NEGR1: variants seen among roughly 807,000 people sequenced by gnomAD.
NEGR1 encodes neuronal growth regulator 1.
In NEGR1, 10 loss-of-function variants were observed where a neutral mutation model predicts 40.9. The observed-to-expected ratio is 0.24, with a 90% CI of 0.15 to 0.42. The LOEUF (loss-of-function observed/expected upper bound fraction) is 0.42, where lower values mean the gene tolerates loss of function less well. Ranked by LOEUF, NEGR1 falls within the 10% of genes least tolerant of loss-of-function variation. The pLI, the probability that NEGR1 is intolerant of heterozygous loss-of-function variation, is 1.00. For missense variants in NEGR1, 352 were observed against 438.9 expected (o/e 0.80, Z 1.77); for synonymous variants, 185 against 166.8 (o/e 1.11, Z -0.84).
chr1:71,655,776 T>G (rs1651855389), intron 4 of NEGR1, among the ~76,000 whole-genome samples: 1 of 152,160 alleles, frequency 6.6e-6, no homozygotes, highest in Admixed American at 6.6e-5. Context: ...AAGTTTATTA[T>G]GCAAATGATT....
intron 2 of NEGR1, among the ~76,000 whole-genome samples, chr1:71,793,540 C>CA (rs1324719879): frequency 6.6e-6 from 1 of 151,382 alleles, no homozygotes; most frequent in Non-Finnish European, 1.5e-5. Context: ...CAAAATTTAA[C>CA]AAAAATAAAA....
rs77582895 is a variant in NEGR1, at chr1:71,737,361, T to A, written c.535+38811A>T. The stretch of plus-strand genomic sequence containing the variant: ...AGAAAACAGCCTTTTTTTTTTTTTT[T>A]CCTTGGGAGGGAATGCTAATGTTGA... On this transcript the variant is annotated intron_variant, in intron 3 of 6. Coordinates refer to ENST00000357731, the MANE Select transcript of NEGR1 (RefSeq NM_173808.3). Among the ~76,000 whole-genome samples the A allele has an allele frequency of 2.0e-5, 3 of 151,504 alleles. No homozygotes were observed. In the East Asian group the frequency reaches 5.8e-4, roughly 29 times the overall value.
At chr1:71,727,388 G>C (rs1157732831) in intron 3 of NEGR1, among the ~76,000 whole-genome samples, 1 of 152,098 alleles carries the variant, frequency 6.6e-6, no homozygotes, top group African/African-American at 2.4e-5. Context: ...AAACTGAGAA[G>C]CTGAATTGCT....
intron 2 of NEGR1, among the ~76,000 whole-genome samples, chr1:71,842,727 C>T (rs1189623895): frequency 6.6e-6 from 1 of 152,058 alleles, no homozygotes; most frequent in African/African-American, 2.4e-5. Context: ...TATCAAACAC[C>T]TTTCAAATTC....
chr1:71,881,664 T>C (rs1433583703), intron 2 of NEGR1, among the ~76,000 whole-genome samples: 2 of 152,064 alleles, frequency 1.3e-5, no homozygotes, highest in Admixed American at 1.3e-4. Flanking sequence ...ACTATGAAAA[T>C]GTACATAGGA....
At chr1:71,606,533 A>G (rs909288689) in intron 5 of NEGR1, among the ~76,000 whole-genome samples, 8 of 152,180 alleles carry the variant, frequency 5.3e-5, no homozygotes, top group Non-Finnish European at 8.8e-5. Context: ...TTAGCAATAG[A>G]TAACTAATAA....
chr1:71,422,467 A>G lies in NEGR1; in HGVS notation c.941-14897T>C, dbSNP rs1569853307. 2.6e-5 allele frequency: 4 copies of G among 152,300 alleles called. No homozygotes were observed. The East Asian group carries it at 7.7e-4, about 29-fold the overall frequency. The allele number at this position is 152,300 out of a possible 1,614,324, so 9.4% of individuals were successfully genotyped here. On this transcript the variant is annotated intron_variant, in intron 6 of 6. Coordinates refer to ENST00000357731, the MANE Select transcript of NEGR1 (RefSeq NM_173808.3). ...TCGTTTTTGTGTGAGTGTTTTTCTT[A>G]TTTAAGGCTGTCGTAATGTCATTTA... is the stretch of plus-strand genomic sequence containing the variant.
rs150049927 is a variant in NEGR1 at position 71,918,502 on chromosome 1, C to T, written c.409+16577G>A. Among the ~76,000 whole-genome samples the T allele has an allele frequency of 1.1e-3, 166 of 152,140 alleles. 6 individuals carry two copies. The East Asian group carries it at 0.027, about 24-fold the overall frequency. On this transcript the variant is annotated intron_variant, in intron 2 of 6. Coordinates refer to ENST00000357731, the MANE Select transcript of NEGR1 (RefSeq NM_173808.3). ...GTTCAAATGGTCTGCAAGGTATCTT[C>T]ATTAGCTAAATAAATAACTTTGAGA...
chr1:71,694,053 T>C (rs1230160128), intron 4 of NEGR1, among the ~76,000 whole-genome samples: 1 of 151,768 alleles, frequency 6.6e-6, no homozygotes, highest in Non-Finnish European at 1.5e-5. Flanking sequence ...TGTTTTTCAA[T>C]TCACTTGAAT....
In NEGR1 at chr1:71,568,504, G is replaced by A. The variant is rs367667394; in HGVS notation, c.940+24313C>T. ...AGGAGACTCAGAAAATAAGAAATTT[G>A]TTCATTACTAGCCAATCAAGTATTT... On this transcript the variant is annotated intron_variant, in intron 6 of 6. Coordinates refer to ENST00000357731, the MANE Select transcript of NEGR1 (RefSeq NM_173808.3). Among the ~76,000 whole-genome samples the A allele has an allele frequency of 2.3e-3, 347 of 152,208 alleles. 1 individual carries two copies. The highest frequency in any genetic ancestry group is 8.0e-3 in the African/African-American group (331 of 41,532).
At position 72,235,850 on chromosome 1, in the gene NEGR1, G is replaced by A. The variant is rs189758195; in HGVS notation, c.176+46469C>T. 4.6e-5 allele frequency among the ~76,000 whole-genome samples: 7 copies of A among 152,112 alleles called. No homozygotes were observed. The East Asian group carries it at 5.8e-4, about 13-fold the overall frequency. On this transcript the variant is annotated intron_variant, in intron 1 of 6. Coordinates refer to ENST00000357731, the MANE Select transcript of NEGR1 (RefSeq NM_173808.3). ...AATTAGGGTTGTTAGCAAGGCATAC[G>A]ATTTTAAGAGAATGTAAACCAACAT...
At chr1:71,914,014 A>G (rs1369709167) in intron 2 of NEGR1, among the ~76,000 whole-genome samples, 1 of 152,214 alleles carries the variant, frequency 6.6e-6, no homozygotes, top group Non-Finnish European at 1.5e-5. Context: ...CAATTGCTAA[A>G]TTTAAAACAA....
intron 6 of NEGR1, among the ~76,000 whole-genome samples, chr1:71,444,399 C>T (rs1484607851): frequency 6.6e-6 from 1 of 151,976 alleles, no homozygotes; most frequent in East Asian, 1.9e-4. Flanking sequence ...TTATTATAAA[C>T]ATGGAAATTA....
chr1:72,028,401 A>G (rs200086853), intron 1 of NEGR1, among the ~76,000 whole-genome samples: 2 of 152,350 alleles, frequency 1.3e-5, no homozygotes, highest in East Asian at 3.9e-4. Context: ...ATAGGCATAC[A>G]TAGAACACAC....
intron 6 of NEGR1, among the ~76,000 whole-genome samples, chr1:71,498,164 T>C (rs1277402792): frequency 1.3e-5 from 2 of 150,836 alleles, no homozygotes; most frequent in African/African-American, 4.9e-5. Context: ...TAGTAGGCTC[T>C]TCTCTTGGAA....
At chr1:71,817,949 G>A (rs1049334843) in intron 2 of NEGR1, among the ~76,000 whole-genome samples, 5 of 151,734 alleles carry the variant, frequency 3.3e-5, no homozygotes, top group African/African-American at 7.3e-5. Context: ...ACTCAACATC[G>A]CTAATCATTA....
chr1:71,574,654 C>A (rs1242922422), intron 6 of NEGR1, among the ~76,000 whole-genome samples: 1 of 151,976 alleles, frequency 6.6e-6, no homozygotes, highest in Non-Finnish European at 1.5e-5. Context: ...CTTAGGAATT[C>A]TTTGTTATTG....
intron 6 of NEGR1, among the ~76,000 whole-genome samples, chr1:71,495,570 A>G (rs1646957739): frequency 6.6e-6 from 1 of 152,132 alleles, no homozygotes; most frequent in Non-Finnish European, 1.5e-5. Context: ...TACATCATTG[A>G]AGGGTCAACT....
At chr1:71,435,523 T>A (rs1007268312) in intron 6 of NEGR1, among the ~76,000 whole-genome samples, 3 of 151,504 alleles carry the variant, frequency 2.0e-5, no homozygotes, top group Non-Finnish European at 2.9e-5. Context: ...ACAAAAGTGC[T>A]GTATTCTGAA....
Sources: allele counts gnomAD v4.1 joint callset (sites outside exome capture counted in the v4.1 genomes callset), GRCh38; gene constraint gnomAD v4.1.1; transcripts MANE v1.5; gene names NCBI Gene and HGNC (gene_info 2026-07-23, HGNC 2026-07-21).